The following ADAM12 variants were observed in gnomAD, a reference collection of about 807,000 sequenced individuals.
The protein encoded by ADAM12 is disintegrin and metalloproteinase domain-containing protein 12.
Under a neutral mutation model 106.4 loss-of-function variants are expected in ADAM12, and 70 were observed. The observed-to-expected ratio is 0.66, with a 90% CI of 0.54 to 0.80. ADAM12 has a LOEUF of 0.80. ADAM12 is among the 30% of genes least tolerant of loss of function. The pLI is 0.00. For synonymous variants in ADAM12, 420 were observed against 433.5 expected (o/e 0.97, Z 0.39); for missense variants, 1,010 against 1,171.9 (o/e 0.86, Z 2.02).
In ADAM12 at chr10:126,342,998, AC is replaced by A. The variant is rs1415391366; in HGVS notation, c.89-12490del. ...ACTGGTTTCCCTTCATTCAGCAACG[AC>A]CAGGCACTGGCAAGTTGACAACTCA... On this transcript the variant is annotated intron_variant, in intron 1 of 22. Transcript: ENST00000448723. Among the ~76,000 whole-genome samples the A allele has an allele frequency of 2.0e-5, 3 of 152,066 alleles. No homozygotes were observed. In the East Asian group the frequency reaches 5.8e-4, roughly 29 times the overall value.
intron 1 of ADAM12, among the ~76,000 whole-genome samples, chr10:126,334,702 C>T (rs965388528): frequency 6.6e-6 from 1 of 152,138 alleles, no homozygotes; most frequent in Non-Finnish European, 1.5e-5. Flanking sequence ...ATGAGTCCTG[C>T]CCCATCCTTG....
intron 10 of ADAM12, among the ~76,000 whole-genome samples, chr10:126,096,234 C>G (rs73378603): frequency 6.6e-6 from 1 of 152,134 alleles, no homozygotes; most frequent in Non-Finnish European, 1.5e-5. Context: ...AAGGAATTCA[C>G]CCTTAAAAAA....
chr10:126,189,194 TGAA>T (rs1419902079), intron 3 of ADAM12, among the ~76,000 whole-genome samples: 1 of 152,142 alleles, frequency 6.6e-6, no homozygotes, highest in Non-Finnish European at 1.5e-5. Flanking sequence ...AGGATCATGA[TGAA>T]GGACAAGGGC....
chr10:126,327,865 G>A (rs764067579), intron 2 of ADAM12, among the ~76,000 whole-genome samples: 1 of 152,160 alleles, frequency 6.6e-6, no homozygotes, highest in Admixed American at 6.6e-5. Flanking sequence ...TCCACAGTGA[G>A]TTCACACATG....
intron 21 of ADAM12, among the ~76,000 whole-genome samples, chr10:126,022,610 C>T (rs1257696947): frequency 6.6e-6 from 1 of 152,202 alleles, no homozygotes; most frequent in Non-Finnish European, 1.5e-5. Flanking sequence ...AATTGCCATG[C>T]TGTCTTCTAG....
chr10:126,038,403 T>A, intron 19 of ADAM12, 54 bp from the exon 20 acceptor site: 1 of 1,412,568 alleles, frequency 7.1e-7, no homozygotes, highest in Non-Finnish European at 9.5e-7. Context: ...TCTCACTGAC[T>A]TGACTTTTTA....
rs563460644 is a variant in ADAM12 at position 126,159,682 on chromosome 10, G to A, written c.261-4377C>T. On this transcript the variant is annotated intron_variant, in intron 3 of 22. Coordinates refer to ENST00000448723, the MANE Select transcript of ADAM12 (RefSeq NM_001288973.2). ...AGAGAAAAGTCCATCAGGAAAGCTG[G>A]GGATTAGAGAAAACGAGCTTTTGAT... Among the ~76,000 whole-genome samples, 135 of 152,284 alleles carry A rather than the reference G, an allele frequency of 8.9e-4. 1 individual carries two copies. Among genetic ancestry groups the A allele is most frequent in the African/African-American group, 3.0e-3 (126 of 41,550 alleles).
chr10:126,373,065 T>C (rs1053428210), intron 1 of ADAM12, among the ~76,000 whole-genome samples: 9 of 152,212 alleles, frequency 5.9e-5, no homozygotes, highest in African/African-American at 1.9e-4. Flanking sequence ...GATAAATTAG[T>C]GGAGAAATCA....
At position 126,316,497 on chromosome 10, in the gene ADAM12, A is replaced by C. The variant is rs144826242; in HGVS notation, c.186+13915T>G. ...CTAAGCCCCAAGTTGCGCAGGGCTCAATTTACATGGCTATACATGTAAATT... is the reference window on the plus strand; with the variant it reads ...CTAAGCCCCAAGTTGCGCAGGGCTCCATTTACATGGCTATACATGTAAATT... On this transcript the variant is annotated intron_variant, in intron 2 of 22. Coordinates refer to ENST00000448723, the MANE Select transcript of ADAM12 (RefSeq NM_001288973.2). Among the ~76,000 whole-genome samples, 155 of 152,254 alleles carry C rather than the reference A, an allele frequency of 1.0e-3. 1 individual carries two copies. The East Asian group carries it at 0.024, about 23-fold the overall frequency.
intron 3 of ADAM12, among the ~76,000 whole-genome samples, chr10:126,232,179 G>A (rs1288055975): frequency 1.3e-5 from 2 of 152,108 alleles, no homozygotes; most frequent in Admixed American, 6.5e-5. Context: ...GGAGATGAAG[G>A]GGATGATCTG....
At chr10:126,201,186 C>G (rs765935570) in intron 3 of ADAM12, among the ~76,000 whole-genome samples, 2 of 152,170 alleles carry the variant, frequency 1.3e-5, no homozygotes, top group Non-Finnish European at 2.9e-5. Context: ...CAAAAAGATA[C>G]GTTTAACTCC....
At chr10:126,279,334 A>C (rs1164611987) in intron 2 of ADAM12, among the ~76,000 whole-genome samples, 1 of 152,040 alleles carries the variant, frequency 6.6e-6, no homozygotes, top group Non-Finnish European at 1.5e-5. Flanking sequence ...TGGGTGGCTG[A>C]GGCGAGAGAT....
chr10:126,178,408 C>CTTTTTT (rs10549268), intron 3 of ADAM12, among the ~76,000 whole-genome samples: 3 of 103,898 alleles, frequency 2.9e-5, no homozygotes, highest in African/African-American at 6.6e-5. Flanking sequence ...TGGAGGACAT[C>CTTTTTT]TTTTTTTTTT....
At chr10:126,242,028 AT>A (rs937520899) in intron 3 of ADAM12, among the ~76,000 whole-genome samples, 3 of 150,430 alleles carry the variant, frequency 2.0e-5, no homozygotes, top group Non-Finnish European at 3.0e-5. Context: ...TCTTAGACTG[AT>A]TTTCCCCCCA....
intron 1 of ADAM12, among the ~76,000 whole-genome samples, chr10:126,383,923 G>C (rs1856570780): frequency 6.6e-6 from 1 of 152,168 alleles, no homozygotes; most frequent in Non-Finnish European, 1.5e-5. Flanking sequence ...CAAGCTAGCA[G>C]GGGCCCTGGG....
chr10:126,167,232 G>A (rs1233588264), intron 3 of ADAM12, among the ~76,000 whole-genome samples: 2 of 152,168 alleles, frequency 1.3e-5, no homozygotes, highest in Admixed American at 1.3e-4. Flanking sequence ...TTGTATATGA[G>A]ACACTGGAGG....
chr10:126,238,439 A>AC (rs1958462334), intron 3 of ADAM12, among the ~76,000 whole-genome samples: 1 of 152,184 alleles, frequency 6.6e-6, no homozygotes, highest in Non-Finnish European at 1.5e-5. Context: ...AGATTGTGCC[A>AC]TTGTACTCAG....
At chr10:126,081,624 T>C (rs1955219336) in intron 11 of ADAM12, among the ~76,000 whole-genome samples, 1 of 152,230 alleles carries the variant, frequency 6.6e-6, no homozygotes, top group African/African-American at 2.4e-5. Context: ...AGCCTATGTC[T>C]GAGCAGCCTA....
intron 1 of ADAM12, among the ~76,000 whole-genome samples, chr10:126,378,875 T>A (rs938221365): frequency 6.6e-6 from 1 of 152,208 alleles, no homozygotes; most frequent in African/African-American, 2.4e-5. Flanking sequence ...ATTCTCAAAT[T>A]ATACTGAAAT....
Sources: allele counts gnomAD v4.1 joint callset (sites outside exome capture counted in the v4.1 genomes callset), GRCh38; gene constraint gnomAD v4.1.1; transcripts MANE v1.5; gene names NCBI Gene and HGNC (gene_info 2026-07-23, HGNC 2026-07-21).